The following CHCHD3 variants were observed in gnomAD, a reference collection of about 807,000 sequenced individuals.
The protein encoded by CHCHD3 is MICOS complex subunit MIC19.
A neutral mutation model predicts 38.2 loss-of-function variants in CHCHD3; 20 were observed. That is an observed-to-expected ratio of 0.52 (90% CI 0.37 to 0.76). The LOEUF is 0.76. CHCHD3 is among the 30% of genes least tolerant of loss of function. The pLI, the probability that CHCHD3 is intolerant of heterozygous loss-of-function variation, is 0.00. For missense variants in CHCHD3, 245 were observed against 279.2 expected, an observed-to-expected ratio of 0.88 and a Z score of 0.87; for synonymous variants, 82 against 100.0, an observed-to-expected ratio of 0.82 and a Z score of 1.07.
chr7:132,943,558 A>C (rs1181067823), intron 4 of CHCHD3, among the ~76,000 whole-genome samples: 1 of 152,164 alleles, frequency 6.6e-6, no homozygotes, highest in East Asian at 1.9e-4. Context: ...AATAAACACA[A>C]GACTGAATTA....
At chr7:132,903,957 T>G (rs1232594315) in intron 4 of CHCHD3, among the ~76,000 whole-genome samples, 2 of 152,194 alleles carry the variant, frequency 1.3e-5, no homozygotes, top group African/African-American at 4.8e-5. Flanking sequence ...ATTTCTCAGC[T>G]ATCAAAAATA....
intron 4 of CHCHD3, among the ~76,000 whole-genome samples, chr7:132,947,064 G>A: frequency 6.6e-6 from 1 of 151,828 alleles, no homozygotes; most frequent in East Asian, 1.9e-4. Flanking sequence ...ACAGATACTA[G>A]AAAATCTAAT....
chr7:133,016,726 C>T (rs772381323), intron 3 of CHCHD3, among the ~76,000 whole-genome samples: 6 of 152,214 alleles, frequency 3.9e-5, no homozygotes, highest in African/African-American at 7.2e-5. Flanking sequence ...AACAGGGACT[C>T]TCTCTGAATA....
intron 6 of CHCHD3, 65 bp downstream of exon 6, chr7:132,838,334 G>A (rs1417762541): frequency 1.8e-6 from 2 of 1,096,824 alleles, no homozygotes; most frequent in African/African-American, 3.2e-5. Flanking sequence ...TGTGCAAAAA[G>A]CACTAAAACT....
intron 6 of CHCHD3, among the ~76,000 whole-genome samples, chr7:132,806,306 G>GAAATTGGT (rs1199370611): frequency 5.3e-5 from 8 of 152,324 alleles, no homozygotes; most frequent in Non-Finnish European, 1.0e-4. Context: ...TGGTAAAGAA[G>GAAATTGGT]AAAGTGGGCA....
At chr7:132,916,236 T>C (rs1810103007) in intron 4 of CHCHD3, among the ~76,000 whole-genome samples, 2 of 152,232 alleles carry the variant, frequency 1.3e-5, no homozygotes, top group African/African-American at 4.8e-5. Flanking sequence ...ATTCCTTTAC[T>C]GTTGTCTGGG....
chr7:132,963,131 T>A (rs369157746), intron 4 of CHCHD3, among the ~76,000 whole-genome samples: 15 of 140,164 alleles, frequency 1.1e-4, no homozygotes, highest in South Asian at 9.2e-4. Context: ...GCTCAATTGA[T>A]CCCCTCCCCC....
intron 5 of CHCHD3, among the ~76,000 whole-genome samples, chr7:132,848,533 G>T (rs1808137393): frequency 6.6e-6 from 1 of 152,124 alleles, no homozygotes; most frequent in Non-Finnish European, 1.5e-5. Context: ...TCTTTTTACA[G>T]AATTACACAG....
At chr7:133,068,142 T>C (rs931401508) in intron 2 of CHCHD3, among the ~76,000 whole-genome samples, 1 of 151,952 alleles carries the variant, frequency 6.6e-6, no homozygotes, top group Non-Finnish European at 1.5e-5. Flanking sequence ...AAAACGTGGC[T>C]TATTTATTTA....
Position 132,785,573 on chromosome 7 carries a change from T to G in CHCHD3, c.*64A>C. The G allele has an allele frequency of 1.9e-6, 3 of 1,553,256 alleles. No homozygotes were observed. The highest frequency in any genetic ancestry group is 2.7e-6 in the Non-Finnish European group (3 of 1,125,988). On this transcript the variant is annotated 3_prime_UTR_variant, in exon 8 of 8. Transcript: ENST00000262570. The stretch of plus-strand genomic sequence containing the variant: ...CTCTTCAAATGGGTTGTTTTCTCAC[T>G]AGGAAAAAAAATGTTCCATCTCTGG...
At chr7:132,873,068 C>T (rs10276406) in intron 5 of CHCHD3, among the ~76,000 whole-genome samples, 55,223 of 151,158 alleles carry the variant, frequency 0.37, 10,783 homozygotes, top group Non-Finnish European at 0.44. Flanking sequence ...CCAGCCTGGG[C>T]GACAGAGAGA....
At chr7:132,999,310 G>A (rs974297119) in intron 3 of CHCHD3, among the ~76,000 whole-genome samples, 8 of 152,172 alleles carry the variant, frequency 5.3e-5, no homozygotes, top group Non-Finnish European at 5.9e-5. Flanking sequence ...CTCACATGAA[G>A]ATGGTTAATA....
At chr7:132,872,462 G>A (rs1294108630) in intron 5 of CHCHD3, among the ~76,000 whole-genome samples, 1 of 152,174 alleles carries the variant, frequency 6.6e-6, no homozygotes, top group Non-Finnish European at 1.5e-5. Flanking sequence ...TCAATTTCTG[G>A]TTATATTTCC....
At chr7:132,921,309 T>C (rs1231386058) in intron 4 of CHCHD3, among the ~76,000 whole-genome samples, 2 of 152,262 alleles carry the variant, frequency 1.3e-5, no homozygotes, top group Non-Finnish European at 2.9e-5. Flanking sequence ...TTCAAACCAA[T>C]TATATATACT....
intron 1 of CHCHD3, among the ~76,000 whole-genome samples, chr7:133,075,321 G>T (rs527326016): frequency 6.6e-6 from 1 of 152,192 alleles, no homozygotes; most frequent in South Asian, 2.1e-4. Context: ...TAAACATATT[G>T]TACGGCTGCC....
chr7:132,965,085 GTTTTACTTCC>G (rs1811425752), intron 4 of CHCHD3, among the ~76,000 whole-genome samples: 1 of 151,596 alleles, frequency 6.6e-6, no homozygotes, highest in Admixed American at 6.6e-5. Flanking sequence ...GTGTGTGTGT[GTTTTACTTCC>G]TGTGAGTGTG....
chr7:132,988,126 A>G (rs1214410831), intron 3 of CHCHD3, among the ~76,000 whole-genome samples: 1 of 152,082 alleles, frequency 6.6e-6, no homozygotes, highest in Non-Finnish European at 1.5e-5. Context: ...TTATATACAG[A>G]TTTTCAACTG....
chr7:132,917,096 G>C (rs932142213), intron 4 of CHCHD3, among the ~76,000 whole-genome samples: 34 of 152,136 alleles, frequency 2.2e-4, no homozygotes, highest in African/African-American at 7.7e-4. Context: ...CTGCATTGTT[G>C]TTTTTAAAAA....
chr7:132,789,081 G>T (rs1056289055), intron 7 of CHCHD3, among the ~76,000 whole-genome samples: 5 of 152,192 alleles, frequency 3.3e-5, no homozygotes, highest in African/African-American at 1.2e-4. Flanking sequence ...GTCTGGTGGG[G>T]TCTGTGTTAT....
Sources: allele counts gnomAD v4.1 joint callset (sites outside exome capture counted in the v4.1 genomes callset), GRCh38; gene constraint gnomAD v4.1.1; transcripts MANE v1.5; gene names NCBI Gene and HGNC (gene_info 2026-07-23, HGNC 2026-07-21).